Variants in PTK7 observed in about 807,000 individuals in gnomAD.
PTK7 encodes the protein protein tyrosine kinase 7 (inactive).
PTK7 carries 39 observed loss-of-function variants against 116.6 expected under a neutral mutation model. That is an observed-to-expected ratio of 0.33 (90% CI 0.26 to 0.44). The LOEUF (loss-of-function observed/expected upper bound fraction) is 0.44. Ranked by LOEUF, PTK7 falls within the 20% of genes least tolerant of loss-of-function variation. The pLI is 1.00. For synonymous variants in PTK7, 546 were observed against 563.6 expected (o/e 0.97, Z 0.44); for missense variants, 1,169 against 1,425.6 (o/e 0.82, Z 2.90).
chr6:43,116,148 T>G, intron 1 of PTK7, among the ~76,000 whole-genome samples: 1 of 152,024 alleles, frequency 6.6e-6, no homozygotes, highest in African/African-American at 2.4e-5. Context: ...GCAACCCCCT[T>G]GTAAGACCCC....
In PTK7 at chr6:43,129,023, T is replaced by C. The variant is rs1769471789; in HGVS notation, c.126T>C (p.Asp42=). 6.2e-7 allele frequency: 1 copy of C among 1,613,824 alleles called. No individual in the cohort carries two copies. Among genetic ancestry groups the C allele is most frequent in the Non-Finnish European group, 8.5e-7 (1 of 1,179,812 alleles). Residue 42 remains aspartate, a synonymous_variant, in exon 2 of 20, where the codon GAT becomes GAC. Transcript: ENST00000230419. This position sits in a 1 kb window ranked among gnomAD's most constrained non-coding sequence, Gnocchi z 4.5. ...TCATCAAGCAGCCGTCCTCCCAGGA[T>C]GCACTGCAGGGGCGCCGGGCGCTGC... ...IVFIKQPSSQ[D]ALQGRRALLR...
chr6:43,094,129 G>C (rs1186059376), intron 1 of PTK7, among the ~76,000 whole-genome samples: 1 of 152,240 alleles, frequency 6.6e-6, no homozygotes, highest in African/African-American at 2.4e-5. Context: ...ATGATTGGCT[G>C]CAGACAGCCA....
chr6:43,152,904 G>A (rs1771212683), intron 17 of PTK7, among the ~76,000 whole-genome samples: 1 of 151,854 alleles, frequency 6.6e-6, no homozygotes, highest in African/African-American at 2.4e-5. Flanking sequence ...TCCTGCCTCG[G>A]CCCCCTGAGT....
intron 1 of PTK7, among the ~76,000 whole-genome samples, chr6:43,087,806 C>G (rs571648665): frequency 6.6e-6 from 1 of 152,218 alleles, no homozygotes; most frequent in African/African-American, 2.4e-5. Context: ...GCACTTTAAT[C>G]TAAGGGCTGC....
At chr6:43,137,305 T>TG (rs1214242629) in intron 7 of PTK7, among the ~76,000 whole-genome samples, 1 of 151,988 alleles carries the variant, frequency 6.6e-6, no homozygotes, top group African/African-American at 2.4e-5. Flanking sequence ...GCAGTAGCGG[T>TG]GGGGGTGAGA....
At chr6:43,140,599 C>A (rs570234245) in intron 10 of PTK7, among the ~76,000 whole-genome samples, 1 of 151,732 alleles carries the variant, frequency 6.6e-6, no homozygotes, top group South Asian at 2.1e-4. Flanking sequence ...ATTAAATTTA[C>A]ATGATTGGCT....
In PTK7 at chr6:43,139,425, A is replaced by G; in HGVS notation, c.1518A>G (p.Pro506=). The G allele has an allele frequency of 1.2e-6, 2 of 1,614,084 alleles. No homozygotes were observed. Among genetic ancestry groups the G allele is most frequent in the South Asian group, 2.2e-5 (2 of 91,080 alleles). ...AAACAGAAAAGCTCAAGTTCACACC[A>G]CCACCCCAGCCACAGCAGTGCATGG... ...VQVLEKLKFT[P]PPQPQQCMEF... is the part of the protein sequence containing the mutation. Residue 506 remains proline (P), a synonymous_variant, in exon 10 of 20, where the codon CCA becomes CCG. Coordinates refer to ENST00000230419, the MANE Select transcript of PTK7 (RefSeq NM_002821.5). This position sits in a 1 kb window ranked among gnomAD's most constrained non-coding sequence, Gnocchi z 4.6.
intron 17 of PTK7, among the ~76,000 whole-genome samples, chr6:43,156,461 A>T (rs1213648920): frequency 6.6e-6 from 1 of 151,854 alleles, no homozygotes; most frequent in Admixed American, 6.6e-5. Flanking sequence ...AAAATAAAAA[A>T]GGCTGGGATT....
chr6:43,113,248 G>C (rs73436449), intron 1 of PTK7, among the ~76,000 whole-genome samples: 24,404 of 151,888 alleles, frequency 0.16, 2,770 homozygotes, highest in East Asian at 0.37. Context: ...GCCTAGCCAA[G>C]ATGGTGAAAC....
chr6:43,097,085 T>G (rs1052804215), intron 1 of PTK7, among the ~76,000 whole-genome samples: 3 of 134,434 alleles, frequency 2.2e-5, no homozygotes, highest in Non-Finnish European at 1.6e-5. Flanking sequence ...CAGACTGCCC[T>G]GGCCAAAGAA....
intron 1 of PTK7, among the ~76,000 whole-genome samples, chr6:43,119,311 G>A (rs1768813904): frequency 6.6e-6 from 1 of 152,112 alleles, no homozygotes; most frequent in Non-Finnish European, 1.5e-5. Flanking sequence ...TCGTAAATTG[G>A]AATTTATCAG....
chr6:43,123,278 G>A lies in PTK7; in HGVS notation c.80-5699G>A, dbSNP rs573652244. 1.6e-3 allele frequency among the ~76,000 whole-genome samples: 250 copies of A among 152,298 alleles called. 1 individual carries two copies. The highest frequency in any genetic ancestry group is 2.9e-3 in the Non-Finnish European group (199 of 68,034). On this transcript the variant is annotated intron_variant, in intron 1 of 19. Coordinates refer to ENST00000230419, the MANE Select transcript of PTK7 (RefSeq NM_002821.5). ...CCGGATGGAATTTTCTTTAATGAGA[G>A]AGAGAAGTTGATTGATAGAATCAAA...
At chr6:43,158,765 C>A in intron 17 of PTK7, 52 bp from the exon 18 acceptor site, 2 of 1,577,324 alleles carry the variant, frequency 1.3e-6, no homozygotes, top group South Asian at 2.3e-5. Context: ...TGAGGGTGGT[C>A]ATCTTGATGC....
In PTK7 at chr6:43,145,635, C is replaced by T; in HGVS notation, c.2640+203C>T. The T allele has an allele frequency of 5.1e-6, 2 of 395,864 alleles. No homozygotes were observed. The highest frequency in any genetic ancestry group is 4.1e-5 in the Admixed American group (1 of 24,100). 24.5% of individuals were successfully genotyped at this position (395,864 alleles called of 1,614,324 possible). On this transcript the variant is annotated intron_variant, in intron 16 of 19. Transcript: ENST00000230419. This position sits in a 1 kb window ranked among gnomAD's most constrained non-coding sequence, Gnocchi z 4.8. ...TCTTGGATGCCTGCTTTCCCTTTAT[C>T]AGCACCCAGTCTTTCCATCTGTATC... is the stretch of plus-strand genomic sequence containing the variant.
At chr6:43,117,024 ATGT>A (rs1768596723) in intron 1 of PTK7, among the ~76,000 whole-genome samples, 1 of 151,972 alleles carries the variant, frequency 6.6e-6, no homozygotes, top group African/African-American at 2.4e-5. Context: ...GGGTTTCACC[ATGT>A]TGCCCAGGCT....
Position 43,160,940 on chromosome 6 carries a change from C to T in PTK7, c.*59C>T. ...GAGGACATCTCTAGAGGGAAGCTCA[C>T]AGCATGATGGGCAAGATCCCTGTCC... On this transcript the variant is annotated 3_prime_UTR_variant, in exon 20 of 20. Transcript: ENST00000230419. 2 of 1,579,368 alleles carry T rather than the reference C, an allele frequency of 1.3e-6. No individual in the cohort carries two copies. The highest frequency in any genetic ancestry group is 3.5e-5 in the Admixed American group (2 of 57,418).
rs1336747074 is a variant in PTK7 at position 43,132,013 on chromosome 6, C to T, written c.813-3C>T. 6.2e-7 allele frequency: 1 copy of T among 1,613,872 alleles called. No homozygotes were observed. Among genetic ancestry groups the T allele is most frequent in the East Asian group, 2.2e-5 (1 of 44,896 alleles). On this transcript the variant is annotated splice_region_variant and splice_polypyrimidine_tract_variant and intron_variant, in intron 5 of 19. Transcript: ENST00000230419. ...TCTCCAAATTGCACTCTCCCCTCTG[C>T]AGCCCCCCACACCTCCGCAGAGCCA...
chr6:43,152,041 G>T (rs879554718), intron 17 of PTK7, among the ~76,000 whole-genome samples: 1 of 151,222 alleles, frequency 6.6e-6, no homozygotes, highest in Non-Finnish European at 1.5e-5. Context: ...TAGAGACGGG[G>T]TTTCATCATG....
chr6:43,086,381 A>G (rs2150373583), intron 1 of PTK7, among the ~76,000 whole-genome samples: 2 of 150,034 alleles, frequency 1.3e-5, no homozygotes, highest in Admixed American at 1.3e-4. Context: ...CATGGGCACT[A>G]TCATGTACAA....
Sources: allele counts gnomAD v4.1 joint callset (sites outside exome capture counted in the v4.1 genomes callset), GRCh38; gene constraint gnomAD v4.1.1; non-coding constraint Gnocchi (gnomAD v3.1); transcripts MANE v1.5; gene names NCBI Gene and HGNC (gene_info 2026-07-23, HGNC 2026-07-21).